Variants in ANKFY1 observed in about 807,000 individuals in gnomAD.
ANKFY1 encodes ankyrin repeat and FYVE domain-containing protein 1.
A neutral mutation model predicts 128.3 loss-of-function variants in ANKFY1; 47 were observed. That is an observed-to-expected ratio of 0.37 (90% confidence interval 0.29 to 0.47). ANKFY1 has a LOEUF of 0.47. Ranked by LOEUF, ANKFY1 falls within the 20% of genes least tolerant of loss-of-function variation. The pLI is 1.00. For synonymous variants in ANKFY1, 553 were observed against 601.6 expected, an observed-to-expected ratio of 0.92 and a Z score of 1.18; for missense variants, 1,222 against 1,510.6, an observed-to-expected ratio of 0.81 and a Z score of 3.17.
Position 4,184,994 on chromosome 17 carries a change from G to A in ANKFY1, c.1523C>T (p.Ala508Val). Residue 508 changes from alanine (A) to valine (V), a missense_variant, in exon 12 of 25, where the codon GCA becomes GTA. By Grantham distance (64) the Ala-to-Val change is moderately conservative (BLOSUM62 0). Transcript: ENST00000341657. The stretch of plus-strand genomic sequence containing the variant: ...GTTGGCGCCTTGCTGCAGGAGCTCT[G>A]CCGTGAGGTTGGCCAGGCCATGCCG... ...ACRHGLANLT[A>V]ELLQQGANPN... The A allele has an allele frequency of 2.5e-6, 4 of 1,613,968 alleles. No individual in the cohort carries two copies. Among genetic ancestry groups the A allele is most frequent in the Non-Finnish European group, 3.4e-6 (4 of 1,180,040 alleles).
Position 4,167,990 on chromosome 17 carries a change from C to G in ANKFY1, c.3378-79G>C. On this transcript the variant is annotated intron_variant, in intron 24 of 24. Coordinates refer to ENST00000341657, the MANE Select transcript of ANKFY1 (RefSeq NM_001330063.2). This position sits in a 1 kb window ranked among gnomAD's most constrained non-coding sequence, Gnocchi z 4.1. ...TCCTGGCACGTGAGGACAACCGCAG[C>G]AGGGCCTGGCAGCCAAGGCGCCCGC... The G allele has an allele frequency of 5.4e-6, 8 of 1,490,070 alleles. No homozygotes were observed. The highest frequency in any genetic ancestry group is 7.2e-6 in the Non-Finnish European group (8 of 1,107,568). The allele number at this position is 1,490,070 out of a possible 1,614,324, so 92.3% of individuals were successfully genotyped here.
intron 10 of ANKFY1, among the ~76,000 whole-genome samples, chr17:4,190,861 G>A (rs1567926903): frequency 6.6e-6 from 1 of 152,168 alleles, no homozygotes; most frequent in Non-Finnish European, 1.5e-5. Flanking sequence ...TGACAGCCGG[G>A]CACGGTGGCT....
At chr17:4,189,661 G>GAGTAGGCCCACGCCAGAC (rs1567925595) in intron 10 of ANKFY1, among the ~76,000 whole-genome samples, 182 bp from the exon 11 acceptor site, 12 of 133,608 alleles carry the variant, frequency 9.0e-5, no homozygotes, top group African/African-American at 3.2e-4. Context: ...CCACGCCAGA[G>GAGTAGGCCCACGCCAGAC]AGTAGGCCCA....
At chr17:4,212,275 C>T (rs2060146671) in intron 4 of ANKFY1, among the ~76,000 whole-genome samples, 2 of 152,224 alleles carry the variant, frequency 1.3e-5, no homozygotes, top group Non-Finnish European at 2.9e-5. Flanking sequence ...ACCACAAAGG[C>T]AGAATGTGGT....
intron 10 of ANKFY1, chr17:4,194,703 C>T (rs558921796): frequency 1.2e-4 from 50 of 431,018 alleles, no homozygotes; most frequent in South Asian, 2.6e-4. Flanking sequence ...ATTTTTAAGA[C>T]GGTCAAAGGA....
intron 1 of ANKFY1, among the ~76,000 whole-genome samples, chr17:4,251,164 T>C (rs1399294741): frequency 6.6e-6 from 1 of 152,200 alleles, no homozygotes; most frequent in Non-Finnish European, 1.5e-5. Context: ...TGTGAAGGCA[T>C]TTCAATGAGG....
At chr17:4,192,304 T>C (rs541699552) in intron 10 of ANKFY1, among the ~76,000 whole-genome samples, 32 of 147,508 alleles carry the variant, frequency 2.2e-4, no homozygotes, top group Admixed American at 6.0e-4. Context: ...AGTTGATGGT[T>C]ACTCTAATCT....
At chr17:4,214,124 C>G (rs140240918) in intron 4 of ANKFY1, among the ~76,000 whole-genome samples, 2 of 152,232 alleles carry the variant, frequency 1.3e-5, no homozygotes, top group Non-Finnish European at 2.9e-5. Flanking sequence ...AGTAATAACT[C>G]ACATTTGCAG....
Position 4,167,552 on chromosome 17 carries a change from C to G in ANKFY1, c.*227G>C, listed in dbSNP as rs2059231779. On this transcript the variant is annotated 3_prime_UTR_variant, in exon 25 of 25. Transcript: ENST00000341657. The surrounding 1 kb of genome is among the most constrained non-coding windows in gnomAD (Gnocchi z 4.1). ...TACCACTTAGGCCCAATGGCCTGGT[C>G]TGATGAGTGAGACATCTAGTGAAAT... The G allele has an allele frequency of 4.6e-6, 2 of 435,954 alleles. No homozygotes were observed. Among genetic ancestry groups the G allele is most frequent in the Non-Finnish European group, 8.0e-6 (2 of 249,350 alleles). The allele number at this position is 435,954 out of a possible 1,614,324, so 27.0% of individuals were successfully genotyped here. A position where few individuals can be genotyped will look rare whatever the true frequency, so the allele number is the denominator to read the frequency against.
At chr17:4,231,467 C>T (rs1029394657) in intron 3 of ANKFY1, among the ~76,000 whole-genome samples, 40 of 151,736 alleles carry the variant, frequency 2.6e-4, no homozygotes, top group African/African-American at 9.2e-4. Context: ...CCAGCCTGGG[C>T]GACACAGTGA....
At chr17:4,190,300 G>A (rs1487466597) in intron 10 of ANKFY1, among the ~76,000 whole-genome samples, 1 of 152,122 alleles carries the variant, frequency 6.6e-6, no homozygotes, top group Non-Finnish European at 1.5e-5. Flanking sequence ...AATTAGCCAG[G>A]CTTGGTGGTG....
chr17:4,256,204 G>A (rs908333661), intron 1 of ANKFY1, among the ~76,000 whole-genome samples: 13 of 152,166 alleles, frequency 8.5e-5, no homozygotes, highest in South Asian at 4.1e-4. Context: ...CAAGGCGGGC[G>A]GATTACGAAC....
chr17:4,191,426 G>A (rs2059714959), intron 10 of ANKFY1: 1 of 151,060 alleles, frequency 6.6e-6, no homozygotes, highest in South Asian at 2.1e-4. Flanking sequence ...CTCTAATCTG[G>A]AGATGCCTAG....
intron 3 of ANKFY1, among the ~76,000 whole-genome samples, chr17:4,225,761 A>C (rs2060414703): frequency 6.6e-6 from 1 of 152,022 alleles, no homozygotes; most frequent in South Asian, 2.1e-4. Context: ...GTGTATATAT[A>C]TATTTATATA....
chr17:4,223,097 A>T (rs1748223048), intron 3 of ANKFY1: 1 of 730,840 alleles, frequency 1.4e-6, no homozygotes, highest in South Asian at 1.5e-5. Context: ...AAAAAGATCC[A>T]AATAAAGAAA....
At position 4,169,399 on chromosome 17, in the gene ANKFY1, A is replaced by G. The variant is rs2142999159; in HGVS notation, c.3287-111T>C. The G allele has an allele frequency of 1.3e-6, 1 of 766,100 alleles. No homozygotes were observed. Among genetic ancestry groups the G allele is most frequent in the Non-Finnish European group, 2.2e-6 (1 of 453,866 alleles). The allele number at this position is 766,100 out of a possible 1,614,324, so 47.5% of individuals were successfully genotyped here. ...CCCGTAAGTGAGGCAGCGCTGCCAC[A>G]TGACATAGGTGACGAAGGAGCGATA... On this transcript the variant is annotated intron_variant, in intron 23 of 24. Transcript: ENST00000341657. This position sits in a 1 kb window ranked among gnomAD's most constrained non-coding sequence, Gnocchi z 5.0.
chr17:4,170,245 T>C (rs2059291578), intron 23 of ANKFY1, among the ~76,000 whole-genome samples: 1 of 152,204 alleles, frequency 6.6e-6, no homozygotes, highest in Non-Finnish European at 1.5e-5. Flanking sequence ...ATTCTGATTC[T>C]TTCTGTCACC....
chr17:4,195,882 G>C (rs1567932334), intron 8 of ANKFY1, among the ~76,000 whole-genome samples: 1 of 152,014 alleles, frequency 6.6e-6, no homozygotes, highest in East Asian at 1.9e-4. Context: ...CAACAGGAAA[G>C]AACTGATGAA....
At chr17:4,260,694 G>A (rs910871394) in intron 1 of ANKFY1, among the ~76,000 whole-genome samples, 3 of 151,736 alleles carry the variant, frequency 2.0e-5, no homozygotes, top group Non-Finnish European at 4.4e-5. Context: ...TGTAGAGTTG[G>A]GGAATAAAAC....
Sources: gnomAD v4.1 joint callset for allele counts (sites outside exome capture counted in the v4.1 genomes callset) on GRCh38, gnomAD v4.1.1 for gene constraint, Gnocchi (gnomAD v3.1) non-coding constraint, MANE v1.5 for transcripts, NCBI Gene and HGNC (gene_info 2026-07-23, HGNC 2026-07-21) for gene names.